The following NEMP2 variants were observed in gnomAD, a reference collection of about 807,000 sequenced individuals.
The protein encoded by NEMP2 is UPF0571 transmembrane protein.
NEMP2 carries 53 observed loss-of-function variants against 54.2 expected under a neutral mutation model. The ratio of observed to expected loss-of-function variants is 0.98; its 90% CI spans 0.78 to 1.23. The LOEUF is 1.23. NEMP2 is among the 50% of genes most tolerant of loss of function. NEMP2 has a pLI of 0.00. For synonymous variants in NEMP2, 197 were observed against 190.3 expected, an observed-to-expected ratio of 1.04 and a Z score of -0.29; for missense variants, 455 against 511.3, an observed-to-expected ratio of 0.89 and a Z score of 1.06.
chr2:190,475,169 C>G, the NEMP2 span, among the ~76,000 whole-genome samples: 23,452 of 151,916 alleles, frequency 0.15, 1,872 homozygotes, highest in East Asian at 0.29. Context: ...CAGGGATGCC[C>G]TCTCTCACCA....
rs920185970 is a variant in NEMP2 at position 190,508,393 on chromosome 2, T to A, written c.*796A>T. On this transcript the variant is annotated 3_prime_UTR_variant, in exon 9 of 9. Coordinates refer to ENST00000409150, the MANE Select transcript of NEMP2 (RefSeq NM_001142645.2). The surrounding 1 kb of genome is among the most constrained non-coding windows in gnomAD (Gnocchi z 4.3). ...CCTAAGCTTGCACCTGAAGATCTTG[T>A]CTACCTGAGTCAAAGGATACATCAG... 1 of 152,184 alleles carries A rather than the reference T, an allele frequency of 6.6e-6. No homozygotes were observed. The highest frequency in any genetic ancestry group is 1.5e-5 in the Non-Finnish European group (1 of 68,036). 9.4% of individuals were successfully genotyped at this position (152,184 alleles called of 1,614,324 possible). A position where few individuals can be genotyped will look rare whatever the true frequency, so the allele number is the denominator to read the frequency against.
chr2:190,645,959 G>C, the NEMP2 span, among the ~76,000 whole-genome samples: 1 of 152,186 alleles, frequency 6.6e-6, no homozygotes, highest in Admixed American at 6.5e-5. Flanking sequence ...TGCGGGCAGG[G>C]AACCATCCAT....
Position 190,524,667 on chromosome 2 carries a change from A to G in NEMP2, c.213+596T>C, listed in dbSNP as rs141028486. Among the ~76,000 whole-genome samples the G allele has an allele frequency of 7.5e-3, 1,147 of 152,186 alleles. 7 individuals are homozygous for G. Among genetic ancestry groups the G allele is most frequent in the Middle Eastern group, 0.027 (8 of 294 alleles). On this transcript the variant is annotated intron_variant, in intron 2 of 8. Coordinates refer to ENST00000409150, the MANE Select transcript of NEMP2 (RefSeq NM_001142645.2). ...ATATTACTCTACATTTTCTTTTTTC[A>G]TAGTACTTACTAGTTTTACCATTTT...
the NEMP2 span, among the ~76,000 whole-genome samples, chr2:190,444,079 G>A: frequency 1.3e-5 from 2 of 152,072 alleles, no homozygotes; most frequent in Non-Finnish European, 2.9e-5. Flanking sequence ...GAAAAAATGA[G>A]TAGTCTAATT....
the NEMP2 span, among the ~76,000 whole-genome samples, chr2:190,580,935 G>C: frequency 1.3e-5 from 2 of 152,236 alleles, no homozygotes; most frequent in East Asian, 3.9e-4. This position sits in a 1 kb window ranked among gnomAD's most constrained non-coding sequence, Gnocchi z 5.3. Context: ...TTCTCCAAAC[G>C]CTTATTTATT....
At chr2:190,560,201 G>T in the NEMP2 span, among the ~76,000 whole-genome samples, 1 of 152,226 alleles carries the variant, frequency 6.6e-6, no homozygotes, top group Non-Finnish European at 1.5e-5. The surrounding 1 kb of genome is among the most constrained non-coding windows in gnomAD (Gnocchi z 5.4). Flanking sequence ...TAAGGTAGGA[G>T]CCCGTGGGTG....
the NEMP2 span, among the ~76,000 whole-genome samples, chr2:190,574,724 C>T: frequency 6.6e-6 from 1 of 150,482 alleles, no homozygotes; most frequent in Non-Finnish European, 1.5e-5. Flanking sequence ...CTCTTTCTTT[C>T]TTTCCTTTCT....
chr2:190,622,267 G>T, the NEMP2 span, among the ~76,000 whole-genome samples: 730 of 151,890 alleles, frequency 4.8e-3, 10 homozygotes, highest in African/African-American at 0.017. Flanking sequence ...AATTAACTGG[G>T]TGTGGTGGTG....
the NEMP2 span, among the ~76,000 whole-genome samples, chr2:190,498,311 C>T: frequency 2.0e-5 from 3 of 152,142 alleles, no homozygotes; most frequent in Admixed American, 2.0e-4. This position sits in a 1 kb window ranked among gnomAD's most constrained non-coding sequence, Gnocchi z 5.9. Context: ...ATGAGTGTAA[C>T]TTCTATAAAC....
At chr2:190,476,333 T>G in the NEMP2 span, among the ~76,000 whole-genome samples, 8 of 152,096 alleles carry the variant, frequency 5.3e-5, no homozygotes, top group Admixed American at 4.6e-4. Flanking sequence ...ATATCCAGAA[T>G]CTACAAAGAA....
the NEMP2 span, among the ~76,000 whole-genome samples, chr2:190,638,707 G>A: frequency 1.3e-5 from 2 of 152,148 alleles, no homozygotes; most frequent in Non-Finnish European, 2.9e-5. This position sits in a 1 kb window ranked among gnomAD's most constrained non-coding sequence, Gnocchi z 5.7. Context: ...GAAGGGGTGA[G>A]GGCAGCTTTG....
the NEMP2 span, among the ~76,000 whole-genome samples, chr2:190,604,008 G>A: frequency 2.0e-5 from 3 of 152,156 alleles, no homozygotes; most frequent in East Asian, 3.9e-4. The surrounding 1 kb of genome is among the most constrained non-coding windows in gnomAD (Gnocchi z 4.5). Context: ...TTTACTTAAT[G>A]AACTGATTAT....
the NEMP2 span, among the ~76,000 whole-genome samples, chr2:190,568,545 G>C: frequency 1.3e-5 from 2 of 152,014 alleles, no homozygotes; most frequent in Non-Finnish European, 2.9e-5. The surrounding 1 kb of genome is among the most constrained non-coding windows in gnomAD (Gnocchi z 4.7). Context: ...ATTATCGGCC[G>C]GGCACAGTGG....
the NEMP2 span, among the ~76,000 whole-genome samples, chr2:190,584,165 A>G: frequency 1.3e-5 from 2 of 152,226 alleles, no homozygotes; most frequent in African/African-American, 4.8e-5. The surrounding 1 kb of genome is among the most constrained non-coding windows in gnomAD (Gnocchi z 4.2). Flanking sequence ...CTGAGATGAC[A>G]TGACAAAGTG....
At chr2:190,631,759 T>C in the NEMP2 span, among the ~76,000 whole-genome samples, 1 of 152,154 alleles carries the variant, frequency 6.6e-6, no homozygotes, top group Non-Finnish European at 1.5e-5. Context: ...CCCCAAATTG[T>C]CCAAAGATAC....
chr2:190,596,020 CTAGA>C, the NEMP2 span, among the ~76,000 whole-genome samples: 1 of 152,022 alleles, frequency 6.6e-6, no homozygotes, highest in African/African-American at 2.4e-5. This position sits in a 1 kb window ranked among gnomAD's most constrained non-coding sequence, Gnocchi z 5.1. Flanking sequence ...CAATGATAGA[CTAGA>C]TAAAGAAAAT....
the NEMP2 span, among the ~76,000 whole-genome samples, chr2:190,461,474 T>G: frequency 6.6e-6 from 1 of 152,230 alleles, no homozygotes; most frequent in Non-Finnish European, 1.5e-5. This position sits in a 1 kb window ranked among gnomAD's most constrained non-coding sequence, Gnocchi z 5.5. Flanking sequence ...TTTTCTGACA[T>G]AAATATTACA....
the NEMP2 span, among the ~76,000 whole-genome samples, chr2:190,627,645 A>T: frequency 6.6e-6 from 1 of 150,480 alleles, no homozygotes; most frequent in East Asian, 1.9e-4. The surrounding 1 kb of genome is among the most constrained non-coding windows in gnomAD (Gnocchi z 4.4). Flanking sequence ...CCTCATCTCC[A>T]TTAGTTACCA....
the NEMP2 span, among the ~76,000 whole-genome samples, chr2:190,449,478 A>G: frequency 6.6e-6 from 1 of 152,288 alleles, no homozygotes; most frequent in East Asian, 1.9e-4. Flanking sequence ...CGTCTCAAAA[A>G]AAAAAAATTA....
Sources: gnomAD v4.1 joint callset for allele counts (sites outside exome capture counted in the v4.1 genomes callset) on GRCh38, gnomAD v4.1.1 for gene constraint, Gnocchi (gnomAD v3.1) non-coding constraint, MANE v1.5 for transcripts, NCBI Gene and HGNC (gene_info 2026-07-23, HGNC 2026-07-21) for gene names.